The following FAT3 variants were observed in gnomAD, a reference collection of about 807,000 sequenced individuals.
FAT3 encodes the protein FAT atypical cadherin 3, also known as protocadherin Fat 3.
In FAT3, 95 loss-of-function variants were observed where a neutral mutation model predicts 310.2. The ratio of observed to expected loss-of-function variants is 0.31; its 90% confidence interval spans 0.26 to 0.36. The LOEUF (loss-of-function observed/expected upper bound fraction) is 0.36. Among genes scored for constraint, FAT3 ranks in the 10% least tolerant of loss-of-function variants. The pLI, the probability that FAT3 is intolerant of heterozygous loss-of-function variation, is 1.00. For synonymous variants in FAT3, 2,314 were observed against 2,192.9 expected, an observed-to-expected ratio of 1.06 and a Z score of -1.54; for missense variants, 5,408 against 5,715.6, an observed-to-expected ratio of 0.95 and a Z score of 1.74.
At chr11:92,352,042 C>G in intron 1 of FAT3, 54 bp from the exon 2 acceptor site, 1 of 1,116,644 alleles carries the variant, frequency 9.0e-7, no homozygotes, top group South Asian at 2.0e-5. Context: ...CCCACTCTCC[C>G]CCTTCTTCTA....
At chr11:92,338,022 T>G (rs1443232413) in intron 1 of FAT3, among the ~76,000 whole-genome samples, 1 of 152,142 alleles carries the variant, frequency 6.6e-6, no homozygotes, top group Non-Finnish European at 1.5e-5. Context: ...AGAAATCTAT[T>G]CTAAAAGAAA....
At chr11:92,521,530 C>A (rs1591396352) in intron 2 of FAT3, among the ~76,000 whole-genome samples, 1 of 150,332 alleles carries the variant, frequency 6.7e-6, no homozygotes, top group Non-Finnish European at 1.5e-5. Flanking sequence ...GCCACACACG[C>A]ATTTTGCCAA....
At chr11:92,304,528 C>T (rs1184183291) in intron 1 of FAT3, among the ~76,000 whole-genome samples, 1 of 152,050 alleles carries the variant, frequency 6.6e-6, no homozygotes, top group Non-Finnish European at 1.5e-5. Context: ...TATTGGCATT[C>T]ATGTGATTTG....
chr11:92,699,319 A>G (rs1194978133), intron 4 of FAT3, among the ~76,000 whole-genome samples: 1 of 152,196 alleles, frequency 6.6e-6, no homozygotes, highest in Non-Finnish European at 1.5e-5. Context: ...ATAATAATGT[A>G]TTGCATATTT....
At chr11:92,338,883 C>G (rs1174499645) in intron 1 of FAT3, among the ~76,000 whole-genome samples, 1 of 151,970 alleles carries the variant, frequency 6.6e-6, no homozygotes, top group African/African-American at 2.4e-5. Context: ...GACCTCAGAA[C>G]CCAGTCAGGT....
chr11:92,411,669 G>A (rs1474751294), intron 2 of FAT3, among the ~76,000 whole-genome samples: 1 of 152,118 alleles, frequency 6.6e-6, no homozygotes, highest in Non-Finnish European at 1.5e-5. Flanking sequence ...AATAGGAGTA[G>A]GCCCTGCAGG....
intron 1 of FAT3, among the ~76,000 whole-genome samples, chr11:92,340,153 G>A (rs61319663): frequency 0.026 from 3,855 of 147,586 alleles, 187 homozygotes; most frequent in African/African-American, 0.09. Flanking sequence ...CAAATTTGGC[G>A]GAACCTTTTC....
chr11:92,808,497 A>G (rs147619375), intron 12 of FAT3, among the ~76,000 whole-genome samples: 2,722 of 152,262 alleles, frequency 0.018, 36 homozygotes, highest in Non-Finnish European at 0.024. Flanking sequence ...ACTTTAGGCC[A>G]GATTGTGGAG....
At position 92,848,930 on chromosome 11, in the gene FAT3, G is replaced by A. The variant is rs1026593723; in HGVS notation, c.11365+4198G>A. ...GGATTCCAAACCAAAGGGCATGAGAGCCAAGGCATGGAGTTAAGAACTGGT... is the reference window on the plus strand; with the variant it reads ...GGATTCCAAACCAAAGGGCATGAGAACCAAGGCATGGAGTTAAGAACTGGT... On this transcript the variant is annotated intron_variant, in intron 19 of 27. Transcript: ENST00000525166. Among the ~76,000 whole-genome samples the A allele has an allele frequency of 3.3e-5, 5 of 152,338 alleles. No homozygotes were observed. In the East Asian group the frequency reaches 9.6e-4, roughly 29 times the overall value.
At chr11:92,478,874 C>T (rs1001329620) in intron 2 of FAT3, among the ~76,000 whole-genome samples, 4 of 152,012 alleles carry the variant, frequency 2.6e-5, no homozygotes, top group African/African-American at 7.3e-5. Context: ...CCTTGGCCTC[C>T]CAAAGTGCAG....
In FAT3 at chr11:92,541,153, C is replaced by G. The variant is rs557196843; in HGVS notation, c.3607+16205C>G. Among the ~76,000 whole-genome samples the G allele has an allele frequency of 2.1e-4, 32 of 152,248 alleles. 2 individuals carry two copies. In the South Asian group the frequency reaches 6.6e-3, roughly 32 times the overall value. On this transcript the variant is annotated intron_variant, in intron 3 of 27. Transcript: ENST00000525166. ...TTATTTATTGAACACCTACTGTGTG[C>G]TAGGCACTGTGGTGTGTACCAGGGT...
rs905157733 is a variant in FAT3, at chr11:92,691,644, G to T, written c.3608-5740G>T. On this transcript the variant is annotated intron_variant, in intron 3 of 27. Transcript: ENST00000525166. The stretch of plus-strand genomic sequence containing the variant: ...AATCCTCCTGCCTTGGCCTCTCAAA[G>T]CATTGGGATTATAGGCATAAGACAC... 3.3e-5 allele frequency among the ~76,000 whole-genome samples: 5 copies of T among 152,234 alleles called. No homozygotes were observed. The East Asian group carries it at 7.7e-4, about 24-fold the overall frequency.
At chr11:92,323,791 A>G (rs1257800664) in intron 1 of FAT3, among the ~76,000 whole-genome samples, 1 of 152,206 alleles carries the variant, frequency 6.6e-6, no homozygotes, top group Non-Finnish European at 1.5e-5. Context: ...CAGCTGCATC[A>G]GCCCCTAACA....
In FAT3 at chr11:92,762,058, T is replaced by G. The variant is rs1456120687; in HGVS notation, c.3872T>G (p.Ile1291Ser). The part of the protein sequence containing the change: ...FDRDEGPNAE[I>S]SYSIVDGNDD... ...AGAGATGAGGGCCCCAACGCAGAAA[T>G]CTCCTACAGTATTGTGGATGGGAAT... The change falls in exon 5 of 28, where the codon ATC becomes AGC. Residue 1291 changes from isoleucine to serine, a missense_variant. Around this residue, in one of 5 missense-constraint regions of FAT3, gnomAD observed 4,588 missense variants for 4,809.8 expected, o/e 0.95. Coordinates refer to ENST00000525166, the MANE Select transcript of FAT3 (RefSeq NM_001367949.2). 6.2e-7 allele frequency: 1 copy of G among 1,613,924 alleles called. No homozygotes were observed. Among genetic ancestry groups the G allele is most frequent in the Non-Finnish European group, 8.5e-7 (1 of 1,179,864 alleles).
chr11:92,543,456 A>G (rs1283147519), intron 3 of FAT3, among the ~76,000 whole-genome samples: 1 of 152,170 alleles, frequency 6.6e-6, no homozygotes, highest in African/African-American at 2.4e-5. Context: ...AATAGGTACA[A>G]TTAATGTATG....
At chr11:92,786,490 A>G (rs1383089292) in intron 7 of FAT3, among the ~76,000 whole-genome samples, 2 of 152,168 alleles carry the variant, frequency 1.3e-5, no homozygotes, top group African/African-American at 4.8e-5. Flanking sequence ...TCTTAAATAT[A>G]TGAAAAGTTT....
At position 92,776,144 on chromosome 11, in the gene FAT3, A is replaced by G. The variant is rs552183063; in HGVS notation, c.4335+1964A>G. On this transcript the variant is annotated intron_variant, in intron 7 of 27. Transcript: ENST00000525166. The stretch of plus-strand genomic sequence containing the variant: ...GAGTAAAATACAAATAAAGCATGAA[A>G]CCGTATTCATTTCCAGACTTTTCTC... Among the ~76,000 whole-genome samples the G allele has an allele frequency of 5.9e-5, 9 of 152,372 alleles. No homozygotes were observed. The East Asian group carries it at 1.7e-3, about 29-fold the overall frequency.
chr11:92,330,556 T>C (rs1947890201), intron 1 of FAT3, among the ~76,000 whole-genome samples: 1 of 152,202 alleles, frequency 6.6e-6, no homozygotes, highest in African/African-American at 2.4e-5. Context: ...AGAGTTTAAG[T>C]GTTTTGCCCA....
intron 2 of FAT3, among the ~76,000 whole-genome samples, chr11:92,447,559 C>A (rs953599974): frequency 5.9e-5 from 9 of 152,096 alleles, no homozygotes; most frequent in African/African-American, 1.7e-4. Context: ...CCAAACTGAA[C>A]TACAGTAATT....
Sources: gnomAD v4.1 joint callset for allele counts (sites outside exome capture counted in the v4.1 genomes callset) on GRCh38, gnomAD v4.1.1 for gene constraint, gnomAD v4.1.1 regional missense constraint, MANE v1.5 for transcripts, NCBI Gene and HGNC (gene_info 2026-07-23, HGNC 2026-07-21) for gene names.